Variants in IL4R observed in about 807,000 individuals in gnomAD.
IL4R encodes interleukin 4 receptor.
In IL4R, 17 loss-of-function variants were observed where a neutral mutation model predicts 41.5. That is an observed-to-expected ratio of 0.41 (90% CI 0.28 to 0.61). The LOEUF is 0.61. IL4R is among the 20% of genes least tolerant of loss of function. The pLI, the probability that IL4R is intolerant of heterozygous loss-of-function variation, is 0.31. For synonymous variants in IL4R, 402 were observed against 422.9 expected (o/e 0.95, Z 0.61); for missense variants, 974 against 1,043.1 (o/e 0.93, Z 0.91).
intron 2 of IL4R, among the ~76,000 whole-genome samples, chr16:27,338,614 A>G (rs1211576805): frequency 6.6e-6 from 1 of 152,080 alleles, no homozygotes; most frequent in Non-Finnish European, 1.5e-5. Context: ...TTGTAGTCAT[A>G]TTAAGAGATG....
Position 27,344,896 on chromosome 16 carries a change from C to T in IL4R, c.237C>T (p.Asn79=), listed in dbSNP as rs145184963. 2,427 of 1,614,150 alleles carry T rather than the reference C, an allele frequency of 1.5e-3. 35 individuals carry two copies. The African/African-American group carries it at 0.025, about 16-fold the overall frequency. Residue 79 remains asparagine, a synonymous_variant, in exon 5 of 11, where the codon AAC becomes AAT. Coordinates refer to ENST00000395762, the MANE Select transcript of IL4R (RefSeq NM_000418.4). ...SEAHTCIPEN[N]GGAGCVCHLL... is the part of the protein sequence containing the mutation. ...CCCACACGTGTATCCCTGAGAACAA[C>T]GGAGGCGCGGGGTGCGTGTGCCACC...
intron 9 of IL4R, 26 bp from the exon 10 acceptor site, chr16:27,360,740 T>A (rs2086253554): frequency 6.2e-7 from 1 of 1,613,958 alleles, no homozygotes. Context: ...CACTCTGCTC[T>A]TTCATTGGCT....
At chr16:27,343,723 C>T (rs1449009787) in intron 4 of IL4R, among the ~76,000 whole-genome samples, 3 of 152,132 alleles carry the variant, frequency 2.0e-5, no homozygotes, top group African/African-American at 7.2e-5. Context: ...CCACTGAGCC[C>T]GGCCTCCTCC....
Position 27,355,876 on chromosome 16 carries a change from G to T in IL4R, c.739G>T (p.Val247Phe). 1.2e-6 allele frequency: 2 copies of T among 1,613,428 alleles called. No individual in the cohort carries two copies. Among genetic ancestry groups the T allele is most frequent in the East Asian group, 4.5e-5 (2 of 44,864 alleles). ...VSVSCIVILA[V>F]CLLCYVSITK... ...CGTTTCCTGCATTGTCATCCTGGCC[G>T]TCTGCCTGTTGTGCTATGTCAGCAT... is the stretch of plus-strand genomic sequence containing the variant. Residue 247 changes from valine to phenylalanine, a missense_variant, in exon 8 of 11, where the codon GTC becomes TTC. Transcript: ENST00000395762.
At chr16:27,343,788 CTTATAAGT>C (rs962800160) in intron 4 of IL4R, among the ~76,000 whole-genome samples, 2 of 152,098 alleles carry the variant, frequency 1.3e-5, no homozygotes, top group African/African-American at 4.8e-5. Context: ...CATGTTCTCA[CTTATAAGT>C]AAGAGTTAAA....
chr16:27,341,028 G>C (rs946506367), intron 3 of IL4R: 1 of 607,196 alleles, frequency 1.6e-6, no homozygotes, highest in African/African-American at 1.8e-5. Context: ...AGACCTTGCA[G>C]TGTTTGAGCA....
At chr16:27,359,075 C>A (rs904909009) in intron 9 of IL4R, 81 bp downstream of exon 9, 1 of 1,022,376 alleles carries the variant, frequency 9.8e-7, no homozygotes, top group Non-Finnish European at 1.5e-6. Context: ...TGTTAAGGAC[C>A]TTCACTGGCT....
At chr16:27,313,918 C>A, upstream of IL4R, 9 of 984,682 alleles carry the variant, frequency 9.1e-6, no homozygotes, top group Non-Finnish European at 1.1e-5. Context: ...TGGGTCTCCG[C>A]GCCCAGGAAA....
intron 7 of IL4R, 74 bp downstream of exon 7, chr16:27,352,770 G>C: frequency 4.1e-6 from 6 of 1,476,748 alleles, no homozygotes. Flanking sequence ...ACTTCCCCTG[G>C]CTGAGTCTCT....
chr16:27,362,632 T>C lies in IL4R; in HGVS notation c.1280T>C (p.Met427Thr), dbSNP rs2086338555. The C allele has an allele frequency of 1.2e-6, 2 of 1,613,874 alleles. No individual in the cohort carries two copies. The highest frequency in any genetic ancestry group is 1.3e-5 in the African/African-American group (1 of 74,816). ...AATGGGGGCTTTTGCCAGCAGGACA[T>C]GGGGGAGTCATGCCTTCTTCCACCT... ...EENGGFCQQD[M>T]GESCLLPPSG... The change falls in exon 11 of 11, where the codon ATG becomes ACG. Residue 427 changes from methionine to threonine, a missense_variant. Around this residue, in one of 3 missense-constraint regions of IL4R, gnomAD observed 682 missense variants for 704.3 expected, o/e 0.97. Transcript: ENST00000395762.
In IL4R at chr16:27,342,177, A is replaced by G. The variant is rs749110570; in HGVS notation, c.127A>G (p.Thr43Ala). 9.9e-6 allele frequency: 16 copies of G among 1,614,162 alleles called. No homozygotes were observed. In the East Asian group the frequency reaches 2.0e-4, roughly 20 times the overall value. Residue 43 changes from threonine to alanine, a missense_variant, in exon 4 of 11, where the codon ACT becomes GCT. Around this residue, in one of 3 missense-constraint regions of IL4R, gnomAD observed 284 missense variants for 313.4 expected, o/e 0.91. Coordinates refer to ENST00000395762, the MANE Select transcript of IL4R (RefSeq NM_000418.4). ...TCVSDYMSIS[T>A]CEWKMNGPTN... Reference sequence around the variant, plus strand: ...CGTCTCCGACTACATGAGCATCTCTACTTGCGAGTGGAAGATGAATGGTCC... The same window carrying G: ...CGTCTCCGACTACATGAGCATCTCTGCTTGCGAGTGGAAGATGAATGGTCC...
At chr16:27,358,490 C>T (rs1334066081) in intron 8 of IL4R, among the ~76,000 whole-genome samples, 1 of 152,234 alleles carries the variant, frequency 6.6e-6, no homozygotes, top group Non-Finnish European at 1.5e-5. Context: ...CAGGCCATCC[C>T]AGGCCATTCC....
At chr16:27,337,046 C>T (rs547122672) in intron 2 of IL4R, among the ~76,000 whole-genome samples, 2 of 152,186 alleles carry the variant, frequency 1.3e-5, no homozygotes, top group African/African-American at 4.8e-5. Flanking sequence ...CATTGCACTC[C>T]AGCCTGGGCA....
rs549500694 is a variant in IL4R, at chr16:27,342,806, AT to A, written c.209+551del. On this transcript the variant is annotated intron_variant, in intron 4 of 10. Coordinates refer to ENST00000395762, the MANE Select transcript of IL4R (RefSeq NM_000418.4). ...GCTGTATCCGGCCCAAAATGGAGAA[AT>A]TTTAAGTCCCAACAACATGCAAGCC... 2.6e-4 allele frequency among the ~76,000 whole-genome samples: 39 copies of A among 152,180 alleles called. No individual in the cohort carries two copies. In the South Asian group the frequency reaches 7.1e-3, roughly 28 times the overall value.
chr16:27,349,652 A>G (rs991704440), intron 6 of IL4R, among the ~76,000 whole-genome samples: 4 of 152,210 alleles, frequency 2.6e-5, no homozygotes, highest in African/African-American at 9.7e-5. Context: ...AGAGCCCTGA[A>G]TGCCTGCCTC....
At chr16:27,339,118 G>A (rs931026018) in intron 2 of IL4R, among the ~76,000 whole-genome samples, 1 of 152,072 alleles carries the variant, frequency 6.6e-6, no homozygotes, top group African/African-American at 2.4e-5. Context: ...GCTCCCCAAA[G>A]TGCTGGAAAT....
intron 9 of IL4R, 126 bp from the exon 10 acceptor site, chr16:27,360,640 G>A (rs990469611): frequency 2.8e-5 from 32 of 1,123,214 alleles, no homozygotes; most frequent in African/African-American, 7.7e-5. Context: ...CTCAGAAAGC[G>A]TAAGTGACCT....
chr16:27,333,800 T>C (rs7192673), intron 2 of IL4R, among the ~76,000 whole-genome samples: 4,969 of 151,810 alleles, frequency 0.033, 202 homozygotes, highest in East Asian at 0.14. Flanking sequence ...AGAAGTGGGG[T>C]GTTCGCAGGA....
rs112497527 is a variant in IL4R, at chr16:27,344,950, T to C, written c.291T>C (p.Asp97=). The C allele has an allele frequency of 2.7e-3, 4,303 of 1,614,058 alleles. 102 individuals carry two copies. In the African/African-American group the frequency reaches 0.048, roughly 18 times the overall value. ...TCATGGATGACGTGGTCAGTGCGGA[T>C]AACTATACACTGGACCTGTGGGCTG... ...HLLMDDVVSA[D]NYTLDLWAGQ... The change falls in exon 5 of 11, where the codon GAT becomes GAC. Residue 97 remains aspartate (D), a synonymous_variant. Transcript: ENST00000395762.
Sources: gnomAD v4.1 joint callset for allele counts (sites outside exome capture counted in the v4.1 genomes callset) on GRCh38, gnomAD v4.1.1 for gene constraint, gnomAD v4.1.1 regional missense constraint, MANE v1.5 for transcripts, NCBI Gene and HGNC (gene_info 2026-07-23, HGNC 2026-07-21) for gene names.